The following KAZN variants were observed in gnomAD, a reference collection of about 807,000 sequenced individuals.
KAZN encodes the protein kazrin, periplakin interacting protein.
In KAZN, 40 loss-of-function variants were observed where a neutral mutation model predicts 87.4. That is an observed-to-expected ratio of 0.46 (90% CI 0.36 to 0.60). KAZN has a LOEUF of 0.60. Ranked by LOEUF, KAZN falls within the 20% of genes least tolerant of loss-of-function variation. KAZN has a pLI of 0.00. For missense variants in KAZN, 898 were observed against 1,073.9 expected, an observed-to-expected ratio of 0.84 and a Z score of 2.29; for synonymous variants, 466 against 458.3, an observed-to-expected ratio of 1.02 and a Z score of -0.22.
intron 2 of KAZN, among the ~76,000 whole-genome samples, chr1:14,470,591 G>A (rs1668403437): frequency 6.6e-6 from 1 of 152,200 alleles, no homozygotes; most frequent in African/African-American, 2.4e-5. Flanking sequence ...CCTATGCAGA[G>A]AGAGAGAGGA....
At chr1:13,956,288 C>T (rs955356213) in intron 1 of KAZN, among the ~76,000 whole-genome samples, 1 of 148,598 alleles carries the variant, frequency 6.7e-6, no homozygotes, top group South Asian at 2.1e-4. Context: ...GATGTTACTA[C>T]ATCATTTCTT....
At chr1:14,819,861 C>A (rs1013777587) in intron 1 of KAZN, among the ~76,000 whole-genome samples, 63 of 152,026 alleles carry the variant, frequency 4.1e-4, no homozygotes, top group African/African-American at 1.5e-3. Flanking sequence ...GTGCCCACCA[C>A]CACACCTGGC....
chr1:15,048,669 T>TGGGTCGTC, intron 4 of KAZN, among the ~76,000 whole-genome samples: 1 of 130,622 alleles, frequency 7.7e-6, no homozygotes, highest in Non-Finnish European at 1.6e-5. Context: ...CCTGGGTCGC[T>TGGGTCGTC]GGTCCTGGGT....
intron 1 of KAZN, among the ~76,000 whole-genome samples, chr1:14,948,911 C>T (rs1007282879): frequency 3.0e-4 from 45 of 152,086 alleles, no homozygotes; most frequent in African/African-American, 9.4e-4. Flanking sequence ...AATCCCAGCA[C>T]TTTGGGAGGC....
At chr1:14,572,925 G>C (rs1220028818) in intron 2 of KAZN, among the ~76,000 whole-genome samples, 3 of 152,158 alleles carry the variant, frequency 2.0e-5, no homozygotes, top group Admixed American at 2.0e-4. Context: ...GGACATTGCT[G>C]AGTCAAGACA....
chr1:14,372,852 C>T (rs535676625), intron 2 of KAZN, among the ~76,000 whole-genome samples: 3 of 152,192 alleles, frequency 2.0e-5, no homozygotes, highest in East Asian at 1.9e-4. Flanking sequence ...TTCTTGCCCT[C>T]GAGGAGATTG....
intron 2 of KAZN, among the ~76,000 whole-genome samples, chr1:14,569,320 C>CTTTTTTTTTTTTTTTTTTTTTTTT (rs35144232): frequency 1.1e-5 from 1 of 92,328 alleles, no homozygotes; most frequent in African/African-American, 4.5e-5. Flanking sequence ...ACTTCCTCTG[C>CTTTTTTTTTTTTTTTTTTTTTTTT]TTTTTTTTTT....
intron 1 of KAZN, among the ~76,000 whole-genome samples, chr1:13,966,332 C>T (rs969094812): frequency 1.3e-5 from 2 of 152,162 alleles, no homozygotes; most frequent in Admixed American, 6.5e-5. Flanking sequence ...CAAGTGGGGG[C>T]GCCTTTTGGA....
At chr1:14,129,929 G>A (rs1005211574) in intron 1 of KAZN, among the ~76,000 whole-genome samples, 3 of 152,192 alleles carry the variant, frequency 2.0e-5, no homozygotes, top group Non-Finnish European at 4.4e-5. Context: ...TAAAAGAAAA[G>A]CAGCCCTTGT....
chr1:14,585,217 T>C (rs1016022702), intron 2 of KAZN, among the ~76,000 whole-genome samples: 2 of 152,148 alleles, frequency 1.3e-5, no homozygotes, highest in Non-Finnish European at 2.9e-5. Context: ...CCCTAGTCGG[T>C]GGTTCTTGGT....
chr1:14,858,569 A>C (rs1160808788), intron 1 of KAZN, among the ~76,000 whole-genome samples: 2 of 152,038 alleles, frequency 1.3e-5, no homozygotes. Context: ...GGTCGTTTCC[A>C]CCTTTTGGCT....
intron 7 of KAZN, among the ~76,000 whole-genome samples, chr1:15,065,339 T>G (rs1244038369): frequency 6.6e-6 from 1 of 152,002 alleles, no homozygotes; most frequent in African/African-American, 2.4e-5. Flanking sequence ...GTTCTCAGGG[T>G]CTTTATCCTC....
At chr1:14,660,803 C>T (rs995778302) in intron 1 of KAZN, among the ~76,000 whole-genome samples, 8 of 152,128 alleles carry the variant, frequency 5.3e-5, no homozygotes, top group East Asian at 1.9e-4. Context: ...TGGCCAATGA[C>T]GAACAGAAAG....
chr1:15,071,995 C>T (rs759193620), intron 8 of KAZN, among the ~76,000 whole-genome samples: 8 of 152,156 alleles, frequency 5.3e-5, no homozygotes, highest in Admixed American at 2.0e-4. Context: ...GATTTGCCTT[C>T]GGGAAGTCAT....
intron 2 of KAZN, among the ~76,000 whole-genome samples, chr1:15,016,583 G>T (rs1670129676): frequency 6.6e-6 from 1 of 152,164 alleles, no homozygotes; most frequent in African/African-American, 2.4e-5. Flanking sequence ...ACCGTGCCCA[G>T]CCTTGAGAAT....
At chr1:14,838,497 TC>T (rs1251752881) in intron 1 of KAZN, among the ~76,000 whole-genome samples, 2 of 152,192 alleles carry the variant, frequency 1.3e-5, no homozygotes, top group Non-Finnish European at 2.9e-5. Flanking sequence ...GAATCTTCCC[TC>T]TTGCTAACTT....
At chr1:14,521,650 C>A (rs907554052) in intron 2 of KAZN, among the ~76,000 whole-genome samples, 5 of 152,318 alleles carry the variant, frequency 3.3e-5, no homozygotes, top group African/African-American at 1.2e-4. Flanking sequence ...CTGAGACCTG[C>A]GAACTGAGAA....
intron 1 of KAZN, among the ~76,000 whole-genome samples, chr1:14,003,582 A>G (rs1002354655): frequency 6.6e-6 from 1 of 152,162 alleles, no homozygotes; most frequent in Non-Finnish European, 1.5e-5. Flanking sequence ...ACCCACAAAT[A>G]TACAGTCATT....
At chr1:14,164,168 T>C (rs983641197) in intron 1 of KAZN, among the ~76,000 whole-genome samples, 3 of 152,202 alleles carry the variant, frequency 2.0e-5, no homozygotes, top group Non-Finnish European at 4.4e-5. Flanking sequence ...CAATAACCTT[T>C]ATTATCTTTT....
Sources: allele counts gnomAD v4.1 joint callset (sites outside exome capture counted in the v4.1 genomes callset), GRCh38; gene constraint gnomAD v4.1.1; transcripts MANE v1.5; gene names NCBI Gene and HGNC (gene_info 2026-07-23, HGNC 2026-07-21).